SYNE2: variants seen among roughly 807,000 people sequenced by gnomAD.
SYNE2 encodes the protein spectrin repeat containing nuclear envelope protein 2, also known as nesprin-2.
SYNE2 carries 431 observed loss-of-function variants against 856.3 expected under a neutral mutation model. The observed-to-expected ratio is 0.50, with a 90% CI of 0.47 to 0.55. The LOEUF (loss-of-function observed/expected upper bound fraction) is 0.55. SYNE2 is among the 20% of genes least tolerant of loss of function. The pLI is 0.00. For synonymous variants in SYNE2, 2,923 were observed against 2,872.3 expected (o/e 1.02, Z -0.56); for missense variants, 8,129 against 8,023.2 (o/e 1.01, Z -0.50).
intron 1 of SYNE2, among the ~76,000 whole-genome samples, chr14:63,892,415 A>G (rs551653607): frequency 6.6e-5 from 10 of 151,000 alleles, no homozygotes; most frequent in Non-Finnish European, 1.3e-4. Context: ...GAGTAGTTTC[A>G]TGTTCTTCTT....
chr14:64,142,792 T>A (rs1374938840), intron 82 of SYNE2, among the ~76,000 whole-genome samples: 3 of 152,198 alleles, frequency 2.0e-5, no homozygotes, highest in Admixed American at 2.0e-4. Context: ...AAGAAAATAT[T>A]GAGATCCTTC....
At chr14:63,981,444 G>C (rs1237367511) in intron 16 of SYNE2, among the ~76,000 whole-genome samples, 1 of 152,162 alleles carries the variant, frequency 6.6e-6, no homozygotes, top group African/African-American at 2.4e-5. Flanking sequence ...TTTACATACA[G>C]AGTAATAGCT....
At chr14:63,949,587 A>G (rs1012541427) in intron 6 of SYNE2, among the ~76,000 whole-genome samples, 9 of 152,194 alleles carry the variant, frequency 5.9e-5, no homozygotes, top group African/African-American at 9.6e-5. Flanking sequence ...ACATCCCTCA[A>G]TGTGGGACAG....
chr14:64,120,751 G>A (rs1000503928), intron 67 of SYNE2, among the ~76,000 whole-genome samples, 176 bp from the exon 68 acceptor site: 2 of 151,816 alleles, frequency 1.3e-5, no homozygotes, highest in Non-Finnish European at 2.9e-5. Context: ...CAACAAGTGC[G>A]AAACTCCATC....
intron 65 of SYNE2, among the ~76,000 whole-genome samples, chr14:64,111,770 C>T (rs2097809858): frequency 6.6e-6 from 1 of 151,936 alleles, no homozygotes; most frequent in African/African-American, 2.4e-5. Flanking sequence ...TGTACTCCAG[C>T]CTGGGTGACA....
At chr14:63,997,506 A>C in intron 25 of SYNE2, 115 bp downstream of exon 25, 1 of 927,788 alleles carries the variant, frequency 1.1e-6, no homozygotes, top group Non-Finnish European at 1.7e-6. Context: ...TGTTTTTATC[A>C]ATGGAGAATT....
chr14:64,212,721 G>C, intron 104 of SYNE2, 90 bp from the exon 105 acceptor site: 1 of 1,181,666 alleles, frequency 8.5e-7, no homozygotes, highest in South Asian at 1.2e-5. Flanking sequence ...ATGACATTTG[G>C]ATGCTTTTCT....
rs756503421 is a variant in SYNE2, at chr14:64,026,717, A to G, written c.6391A>G (p.Ser2131Gly). ...NQWDNTLHLA[S>G]TYLSHQEKLL... is the part of the protein sequence containing the mutation. ...GTGGGACAACACACTCCATTTAGCT[A>G]GCACCTACCTAAGGTAAAGGGCATG... The change falls in exon 42 of 116, where the codon AGC (serine) becomes GGC (glycine). Residue 2131 changes from serine to glycine, a missense_variant. By Grantham distance (56) the Ser-to-Gly change is moderately conservative. Transcript: ENST00000555002. 2 of 1,609,476 alleles carry G rather than the reference A, an allele frequency of 1.2e-6. No individual in the cohort carries two copies. Among genetic ancestry groups the G allele is most frequent in the Non-Finnish European group, 1.7e-6 (2 of 1,177,622 alleles).
Position 63,981,010 on chromosome 14 carries a change from A to G in SYNE2, c.1673A>G (p.Lys558Arg). ...GCTGGAGAATGTCAGAATATTAATAAACAGTATATGATGGTGAAATCTGAT... is the reference window on the plus strand; with the variant it reads ...GCTGGAGAATGTCAGAATATTAATAGACAGTATATGATGGTGAAATCTGAT... ...NLAGECQNIN[K>R]QYMMVKSDVC... Residue 558 changes from lysine (K) to arginine (R), a missense_variant, in exon 16 of 116, where the codon AAA (lysine) becomes AGA (arginine). Transcript: ENST00000555002. 6.4e-7 allele frequency: 1 copy of G among 1,565,574 alleles called. No individual in the cohort carries two copies. The highest frequency in any genetic ancestry group is 8.8e-7 in the Non-Finnish European group (1 of 1,139,904).
At position 64,129,800 on chromosome 14, in the gene SYNE2, G is replaced by C; in HGVS notation, c.14038G>C (p.Val4680Leu). 1 of 1,614,180 alleles carries C rather than the reference G, an allele frequency of 6.2e-7. No homozygotes were observed. The highest frequency in any genetic ancestry group is 8.5e-7 in the Non-Finnish European group (1 of 1,180,018). The change falls in exon 75 of 116, where the codon GTG becomes CTG. Residue 4680 changes from valine (V) to leucine (L), a missense_variant. This residue lies in a region of SYNE2 where 5,410 missense variants were observed against 5,284.8 expected (regional missense o/e 1.02). Transcript: ENST00000555002. ...EQLQKADAYT[V>L]ELENAESRVA... Reference sequence around the variant, plus strand: ...CACTTAGAAAGCAGATGCATATACAGTGGAGCTGGAGAACGCCGAGAGCCG... The same window carrying C: ...CACTTAGAAAGCAGATGCATATACACTGGAGCTGGAGAACGCCGAGAGCCG...
intron 52 of SYNE2, among the ~76,000 whole-genome samples, chr14:64,073,035 C>G (rs1201706488): frequency 1.3e-5 from 2 of 152,062 alleles, no homozygotes; most frequent in Non-Finnish European, 2.9e-5. Flanking sequence ...GTGGTGGAAC[C>G]CCCAGGCTTT....
rs757564623 is a variant in SYNE2 at position 64,121,051 on chromosome 14, A to G, written c.13148A>G (p.Gln4383Arg). ...CAATTCAGCAGACAAAAAGATTTCCAGCAGCAACAGGTAATTCTAGCCCCC... is the reference window on the plus strand; with the variant it reads ...CAATTCAGCAGACAAAAAGATTTCCGGCAGCAACAGGTAATTCTAGCCCCC... ...RPQFSRQKDF[Q>R]QQQVLELKPM... is the part of the protein sequence containing the mutation. The change falls in exon 68 of 116, where the codon CAG (glutamine) becomes CGG (arginine). Residue 4383 changes from glutamine to arginine, a missense_variant. Gln to Arg is a conservative substitution (Grantham distance 43, BLOSUM62 1). Coordinates refer to ENST00000555002, the MANE Select transcript of SYNE2 (RefSeq NM_182914.3). The G allele has an allele frequency of 2.5e-6, 4 of 1,614,070 alleles. No homozygotes were observed. The highest frequency in any genetic ancestry group is 3.4e-6 in the Non-Finnish European group (4 of 1,179,942).
intron 32 of SYNE2, 124 bp from the exon 33 acceptor site, chr14:64,016,349 T>G: frequency 1.5e-6 from 1 of 647,420 alleles, no homozygotes; most frequent in Non-Finnish European, 2.6e-6. Flanking sequence ...AAAAGAACAA[T>G]GTAAGAAGGT....
At chr14:64,205,366 T>C (rs1005546088) in intron 100 of SYNE2, among the ~76,000 whole-genome samples, 1 of 152,206 alleles carries the variant, frequency 6.6e-6, no homozygotes, top group African/African-American at 2.4e-5. Context: ...TGGAAACAAA[T>C]GTGTCACACA....
At chr14:63,820,195 T>C (rs1368357639) in intron 1 of SYNE2, among the ~76,000 whole-genome samples, 1 of 152,126 alleles carries the variant, frequency 6.6e-6, no homozygotes. Flanking sequence ...TACAAATTCA[T>C]GGAAGTCAAG....
At chr14:64,062,725 C>CT (rs2097327149) in intron 49 of SYNE2, 26 bp from the exon 50 acceptor site, 2 of 1,600,424 alleles carry the variant, frequency 1.2e-6, no homozygotes, top group Non-Finnish European at 1.7e-6. Context: ...TTTAATACCA[C>CT]TTTTTTTCTA....
Position 64,132,247 on chromosome 14 carries a change from A to G in SYNE2, c.14341-18A>G, listed in dbSNP as rs781298728. 4.9e-5 allele frequency: 79 copies of G among 1,612,168 alleles called. No individual in the cohort carries two copies. The highest frequency in any genetic ancestry group is 6.7e-5 in the Non-Finnish European group (79 of 1,179,888). On this transcript the variant is annotated intron_variant, in intron 76 of 115. Coordinates refer to ENST00000555002, the MANE Select transcript of SYNE2 (RefSeq NM_182914.3). The stretch of plus-strand genomic sequence containing the variant: ...TCACAATTTCAAAGTAAATATTAAA[A>G]CTTTCTCCATCTCATAGGTTTTTTT...
Position 64,056,056 on chromosome 14 carries a change from T to C in SYNE2, c.9857T>C (p.Val3286Ala), listed in dbSNP as rs768495484. 16 of 1,614,096 alleles carry C rather than the reference T, an allele frequency of 9.9e-6. No individual in the cohort carries two copies. Among genetic ancestry groups the C allele is most frequent in the Non-Finnish European group, 1.4e-5 (16 of 1,180,032 alleles). The change falls in exon 49 of 116, where the codon GTT (valine) becomes GCT (alanine). Residue 3286 changes from valine to alanine, a missense_variant. Physicochemically the swap from Val to Ala is moderately conservative, Grantham distance 64. Coordinates refer to ENST00000555002, the MANE Select transcript of SYNE2 (RefSeq NM_182914.3). ...ATCATTATACCCTACAGAGTAGATG[T>C]TGGTAATCCAGAAGAATCTTTAGAG... ...EAIIIPYRVD[V>A]GNPEESLEMP... is the part of the protein sequence containing the mutation.
At chr14:64,131,735 C>T (rs1001186981) in intron 76 of SYNE2, among the ~76,000 whole-genome samples, 4 of 152,080 alleles carry the variant, frequency 2.6e-5, no homozygotes, top group Non-Finnish European at 5.9e-5. Flanking sequence ...ATGTGTGCCA[C>T]CACACCTAGC....
Sources: allele counts gnomAD v4.1 joint callset (sites outside exome capture counted in the v4.1 genomes callset), GRCh38; gene constraint gnomAD v4.1.1; regional missense constraint gnomAD v4.1.1; transcripts MANE v1.5; gene names NCBI Gene and HGNC (gene_info 2026-07-23, HGNC 2026-07-21).